AUTS2: variants seen among roughly 807,000 people sequenced by gnomAD.
AUTS2 encodes the protein activator of transcription and developmental regulator AUTS2.
In AUTS2, 17 loss-of-function variants were observed where a neutral mutation model predicts 112.4. That is an observed-to-expected ratio of 0.15 (90% confidence interval 0.10 to 0.23). AUTS2 has a LOEUF of 0.23. Among genes scored for constraint, AUTS2 ranks in the 10% least tolerant of loss-of-function variants. The probability of loss-of-function intolerance (pLI) is 1.00; values close to 1 mark genes in which losing one functional copy is unlikely to be tolerated. For missense variants in AUTS2, 1,510 were observed against 1,701.6 expected, an observed-to-expected ratio of 0.89 and a Z score of 1.98; for synonymous variants, 751 against 702.7, an observed-to-expected ratio of 1.07 and a Z score of -1.09.
At chr7:70,606,888 C>T (rs1353267205) in intron 5 of AUTS2, among the ~76,000 whole-genome samples, 1 of 149,794 alleles carries the variant, frequency 6.7e-6, no homozygotes, top group Non-Finnish European at 1.5e-5. Context: ...AAAAGTCTTT[C>T]ATGGAGGACT....
At chr7:70,781,917 G>GA in intron 15 of AUTS2, 161 bp downstream of exon 15, 1 of 823,202 alleles carries the variant, frequency 1.2e-6, no homozygotes, top group Non-Finnish European at 1.9e-6. Context: ...AGGGAGTTGG[G>GA]AATCTTCATT....
chr7:70,754,970 A>C (rs2081993540), intron 6 of AUTS2, among the ~76,000 whole-genome samples: 2 of 152,242 alleles, frequency 1.3e-5, no homozygotes, highest in African/African-American at 4.8e-5. Context: ...CCAGAAGTGC[A>C]GAAGCTGTAC....
At chr7:69,827,198 T>A (rs1286946343) in intron 1 of AUTS2, among the ~76,000 whole-genome samples, 4 of 152,164 alleles carry the variant, frequency 2.6e-5, no homozygotes, top group African/African-American at 9.7e-5. Flanking sequence ...CTGTCCTGCC[T>A]TTACTCTCCT....
intron 1 of AUTS2, among the ~76,000 whole-genome samples, chr7:69,807,219 T>C (rs922689665): frequency 7.3e-5 from 11 of 151,486 alleles, no homozygotes; most frequent in Admixed American, 2.6e-4. Context: ...ATTGGAAACA[T>C]TGGATTGTGT....
chr7:70,668,031 G>C (rs1026131307), intron 5 of AUTS2, among the ~76,000 whole-genome samples: 1 of 152,242 alleles, frequency 6.6e-6, no homozygotes, highest in African/African-American at 2.4e-5. Flanking sequence ...GCTGGATGGA[G>C]TGCAGTGGCA....
intron 4 of AUTS2, among the ~76,000 whole-genome samples, chr7:70,312,014 A>G (rs1351934462): frequency 6.6e-6 from 1 of 151,952 alleles, no homozygotes; most frequent in Non-Finnish European, 1.5e-5. Flanking sequence ...GCGCCCGGCC[A>G]CACTTGGCCG....
At chr7:70,100,914 A>G (rs1311624481) in intron 2 of AUTS2, among the ~76,000 whole-genome samples, 3 of 151,984 alleles carry the variant, frequency 2.0e-5, no homozygotes, top group Non-Finnish European at 2.9e-5. Flanking sequence ...GTCTCCTTCT[A>G]TCCCCCAGGC....
At chr7:70,680,142 T>C (rs932189430) in intron 5 of AUTS2, among the ~76,000 whole-genome samples, 2 of 152,156 alleles carry the variant, frequency 1.3e-5, no homozygotes, top group African/African-American at 4.8e-5. Flanking sequence ...AAGAGGTACA[T>C]ACATTGAATG....
chr7:70,593,947 A>G (rs920111063), intron 5 of AUTS2, among the ~76,000 whole-genome samples: 4 of 152,214 alleles, frequency 2.6e-5, no homozygotes, highest in African/African-American at 9.7e-5. Context: ...GTCATAGAAC[A>G]TCATAGAACA....
intron 6 of AUTS2, among the ~76,000 whole-genome samples, chr7:70,719,343 C>T (rs1450632842): frequency 6.6e-6 from 1 of 152,104 alleles, no homozygotes; most frequent in Non-Finnish European, 1.5e-5. Flanking sequence ...TTTAGGGTTG[C>T]CTGGTTGTCA....
At chr7:70,435,970 T>A in intron 5 of AUTS2, 189 bp downstream of exon 5, 1 of 528,854 alleles carries the variant, frequency 1.9e-6, no homozygotes, top group Non-Finnish European at 3.3e-6. Flanking sequence ...CAGATCTACC[T>A]TTTTTTCATT....
chr7:70,234,895 G>A (rs1812239135), intron 4 of AUTS2, among the ~76,000 whole-genome samples: 1 of 152,088 alleles, frequency 6.6e-6, no homozygotes, highest in Admixed American at 6.6e-5. Flanking sequence ...CCTATGGCAG[G>A]GCAGGTAATG....
At chr7:70,497,361 ACTT>A (rs1264810048) in intron 5 of AUTS2, among the ~76,000 whole-genome samples, 15 of 152,108 alleles carry the variant, frequency 9.9e-5, no homozygotes, top group Non-Finnish European at 1.9e-4. Context: ...ACACACAATC[ACTT>A]CTTGAGGCTT....
At chr7:70,681,389 A>G (rs1435243950) in intron 5 of AUTS2, among the ~76,000 whole-genome samples, 1 of 152,170 alleles carries the variant, frequency 6.6e-6, no homozygotes, top group Non-Finnish European at 1.5e-5. Flanking sequence ...GGAGTCATTC[A>G]GTCAATCACA....
chr7:70,344,160 A>G (rs1791393864), intron 4 of AUTS2, among the ~76,000 whole-genome samples: 1 of 152,148 alleles, frequency 6.6e-6, no homozygotes, highest in Non-Finnish European at 1.5e-5. Context: ...GAAACATCCC[A>G]GCCCTGGGTT....
intron 5 of AUTS2, among the ~76,000 whole-genome samples, chr7:70,649,297 G>A (rs1806353168): frequency 6.6e-6 from 1 of 151,780 alleles, no homozygotes; most frequent in Admixed American, 6.5e-5. Flanking sequence ...CTACTTGGGT[G>A]TTTGAGGTGG....
At chr7:69,696,377 A>G (rs1293467287) in intron 1 of AUTS2, among the ~76,000 whole-genome samples, 1 of 152,156 alleles carries the variant, frequency 6.6e-6, no homozygotes, top group Non-Finnish European at 1.5e-5. Flanking sequence ...TTTCCCTCCA[A>G]AATAGACTCA....
intron 4 of AUTS2, among the ~76,000 whole-genome samples, chr7:70,260,713 T>G (rs996356969): frequency 2.0e-5 from 3 of 151,846 alleles, no homozygotes; most frequent in African/African-American, 7.3e-5. Flanking sequence ...CCAAGAGAAA[T>G]GGAACTATAT....
At chr7:70,327,396 C>T (rs1159033874) in intron 4 of AUTS2, among the ~76,000 whole-genome samples, 2 of 152,100 alleles carry the variant, frequency 1.3e-5, no homozygotes, top group African/African-American at 4.8e-5. Flanking sequence ...TCAGCCTTTG[C>T]ATGAGTTTTG....
Sources: gnomAD v4.1 joint callset for allele counts (sites outside exome capture counted in the v4.1 genomes callset) on GRCh38, gnomAD v4.1.1 for gene constraint, MANE v1.5 for transcripts, NCBI Gene and HGNC (gene_info 2026-07-23, HGNC 2026-07-21) for gene names.